MDFIC: variants seen among roughly 807,000 people sequenced by gnomAD.
MDFIC encodes the protein myoD family inhibitor domain-containing protein.
In MDFIC, 17 loss-of-function variants were observed where a neutral mutation model predicts 23.2. That is an observed-to-expected ratio of 0.73 (90% CI 0.50 to 1.10). The LOEUF is 1.10. Ranked by LOEUF, MDFIC falls within the 50% of genes least tolerant of loss-of-function variation. The pLI, the probability that MDFIC is intolerant of heterozygous loss-of-function variation, is 0.00. For missense variants in MDFIC, 356 were observed against 316.6 expected (o/e 1.12, Z -0.95); for synonymous variants, 120 against 115.2 (o/e 1.04, Z -0.27).
intron 3 of MDFIC, 83 bp downstream of exon 3, chr7:114,942,480 C>G (rs1792563702): frequency 9.1e-7 from 1 of 1,093,290 alleles, no homozygotes. Context: ...CCAGATAATT[C>G]TGCTACAAAT....
At chr7:114,986,251 T>A (rs1035336811) in intron 4 of MDFIC, among the ~76,000 whole-genome samples, 1 of 152,148 alleles carries the variant, frequency 6.6e-6, no homozygotes, top group African/African-American at 2.4e-5. Context: ...CTTTGTTTTC[T>A]TTTTAGGCTT....
At chr7:114,937,934 A>G (rs1027207874) in intron 2 of MDFIC, among the ~76,000 whole-genome samples, 5 of 152,192 alleles carry the variant, frequency 3.3e-5, no homozygotes, top group Non-Finnish European at 5.9e-5. Flanking sequence ...AGAATTGATT[A>G]GCATTATATA....
chr7:114,952,265 A>G (rs539668009), intron 3 of MDFIC, among the ~76,000 whole-genome samples: 158 of 152,312 alleles, frequency 1.0e-3, no homozygotes, highest in Non-Finnish European at 1.7e-3. Context: ...AGTGGTTCTC[A>G]GCTCTTAGCT....
At chr7:114,963,089 T>C (rs996518810) in intron 3 of MDFIC, among the ~76,000 whole-genome samples, 42 of 152,216 alleles carry the variant, frequency 2.8e-4, no homozygotes, top group African/African-American at 1.0e-3. Context: ...GAACCTTTTA[T>C]TGGGAGTGCC....
intron 4 of MDFIC, among the ~76,000 whole-genome samples, chr7:114,981,449 T>C (rs985672371): frequency 6.6e-6 from 1 of 152,168 alleles, no homozygotes; most frequent in African/African-American, 2.4e-5. Flanking sequence ...AGTTTTACTC[T>C]TCCTCTTTCT....
At chr7:114,934,593 G>A (rs1386073202) in intron 2 of MDFIC, among the ~76,000 whole-genome samples, 1 of 152,078 alleles carries the variant, frequency 6.6e-6, no homozygotes, top group South Asian at 2.1e-4. Context: ...TATACCATAA[G>A]CTTCTAAATA....
chr7:114,952,327 T>C (rs949635496), intron 3 of MDFIC, among the ~76,000 whole-genome samples: 2 of 151,964 alleles, frequency 1.3e-5, no homozygotes, highest in Non-Finnish European at 2.9e-5. Context: ...TATCCAAGGC[T>C]CAGTACAGCG....
At chr7:115,005,173 G>A (rs575771703) in intron 4 of MDFIC, among the ~76,000 whole-genome samples, 2 of 152,062 alleles carry the variant, frequency 1.3e-5, no homozygotes, top group South Asian at 2.1e-4. Flanking sequence ...TATGTGTATC[G>A]ACACCAAATG....
chr7:114,975,331 A>G (rs1192066340), intron 3 of MDFIC, among the ~76,000 whole-genome samples: 1 of 152,136 alleles, frequency 6.6e-6, no homozygotes, highest in Non-Finnish European at 1.5e-5. Flanking sequence ...GTCCCTTTAT[A>G]ACGCAGGCAG....
chr7:115,002,448 A>G (rs1325095876), intron 4 of MDFIC, among the ~76,000 whole-genome samples: 1 of 152,184 alleles, frequency 6.6e-6, no homozygotes, highest in African/African-American at 2.4e-5. Context: ...GCAACAAATC[A>G]TTCTTGAGCA....
At chr7:114,997,295 G>A (rs574999466) in intron 4 of MDFIC, among the ~76,000 whole-genome samples, 3 of 152,140 alleles carry the variant, frequency 2.0e-5, no homozygotes, top group Admixed American at 2.0e-4. Context: ...TAATGAACTA[G>A]TAGAGGAGAC....
chr7:114,958,361 A>G (rs1792922219), intron 3 of MDFIC, among the ~76,000 whole-genome samples: 1 of 152,198 alleles, frequency 6.6e-6, no homozygotes, highest in Non-Finnish European at 1.5e-5. Flanking sequence ...GAGACACACA[A>G]ACAAAATACG....
intron 3 of MDFIC, among the ~76,000 whole-genome samples, chr7:114,967,688 T>A (rs929014667): frequency 1.6e-4 from 25 of 152,136 alleles, no homozygotes; most frequent in South Asian, 4.1e-4. Flanking sequence ...TAAAAAAAAA[T>A]TTATAATAAT....
chr7:114,963,738 G>A (rs1241851902), intron 3 of MDFIC, among the ~76,000 whole-genome samples: 1 of 152,068 alleles, frequency 6.6e-6, no homozygotes, highest in Non-Finnish European at 1.5e-5. Flanking sequence ...GTGCCACCAT[G>A]CCTGGATAAT....
intron 4 of MDFIC, among the ~76,000 whole-genome samples, chr7:114,994,060 T>C (rs1791257846): frequency 6.6e-6 from 1 of 152,230 alleles, no homozygotes; most frequent in Non-Finnish European, 1.5e-5. Context: ...ATATTTAGGA[T>C]AGTTAGCTCT....
chr7:114,934,464 A>G (rs892354745), intron 2 of MDFIC, among the ~76,000 whole-genome samples: 6 of 152,092 alleles, frequency 3.9e-5, no homozygotes, highest in Non-Finnish European at 7.4e-5. Flanking sequence ...TTGGATTTTC[A>G]TATAATTTTG....
chr7:114,960,622 C>G (rs972933990), intron 3 of MDFIC, among the ~76,000 whole-genome samples: 2 of 152,060 alleles, frequency 1.3e-5, no homozygotes, highest in Non-Finnish European at 2.9e-5. Context: ...AAAATATGCA[C>G]AAGAATATTA....
At chr7:115,006,483 A>G (rs1304394057) in intron 4 of MDFIC, among the ~76,000 whole-genome samples, 5 of 152,186 alleles carry the variant, frequency 3.3e-5, no homozygotes, top group Non-Finnish European at 7.3e-5. Context: ...AGAATCACCC[A>G]GTGGGTACAT....
intron 3 of MDFIC, among the ~76,000 whole-genome samples, chr7:114,950,014 G>T (rs547978222): frequency 1.2e-4 from 18 of 152,170 alleles, no homozygotes; most frequent in African/African-American, 4.3e-4. Flanking sequence ...TAGATGAGGC[G>T]TGGTGAGAAA....
Sources: allele counts gnomAD v4.1 joint callset (sites outside exome capture counted in the v4.1 genomes callset), GRCh38; gene constraint gnomAD v4.1.1; transcripts MANE v1.5; gene names NCBI Gene and HGNC (gene_info 2026-07-23, HGNC 2026-07-21).